FRMD3: variants seen among roughly 807,000 people sequenced by gnomAD.
The protein encoded by FRMD3 is FERM domain-containing protein 3.
A neutral mutation model predicts 70.2 loss-of-function variants in FRMD3; 33 were observed. The ratio of observed to expected loss-of-function variants is 0.47; its 90% CI spans 0.36 to 0.63. The LOEUF (loss-of-function observed/expected upper bound fraction) is 0.63. Among genes scored for constraint, FRMD3 ranks in the 20% least tolerant of loss-of-function variants. The pLI, the probability that FRMD3 is intolerant of heterozygous loss-of-function variation, is 0.00. For missense variants in FRMD3, 632 were observed against 711.4 expected (o/e 0.89, Z 1.27); for synonymous variants, 279 against 255.9 (o/e 1.09, Z -0.86).
chr9:83,445,193 T>A (rs1310705747), intron 1 of FRMD3, among the ~76,000 whole-genome samples: 1 of 152,112 alleles, frequency 6.6e-6, no homozygotes, highest in Admixed American at 6.5e-5. Context: ...CTAGCCAACA[T>A]GGTGAAACCC....
At chr9:83,479,354 AG>A (rs1303701117) in intron 1 of FRMD3, among the ~76,000 whole-genome samples, 2 of 104,066 alleles carry the variant, frequency 1.9e-5, no homozygotes, top group Admixed American at 1.1e-4. Context: ...AAGGAGGAGG[AG>A]GAGGAGGAAG....
chr9:83,487,766 G>A lies in FRMD3; in HGVS notation c.147+50319C>T, dbSNP rs554088600. ...ACAATGAAGAGGCTTAGGAAAATTT[G>A]AGAAGATGTCCCAGGGTTAACTACA... On this transcript the variant is annotated intron_variant, in intron 1 of 13. Coordinates refer to ENST00000304195, the MANE Select transcript of FRMD3 (RefSeq NM_174938.6). Among the ~76,000 whole-genome samples, 17 of 152,302 alleles carry A rather than the reference G, an allele frequency of 1.1e-4. 1 individual carries two copies. In the South Asian group the frequency reaches 3.3e-3, roughly 30 times the overall value.
At chr9:83,292,451 C>T (rs561908378) in intron 12 of FRMD3, among the ~76,000 whole-genome samples, 147 of 152,044 alleles carry the variant, frequency 9.7e-4, no homozygotes, top group Non-Finnish European at 1.5e-3. Flanking sequence ...TGAGCCACTA[C>T]GCCCAGCCCC....
Position 83,481,515 on chromosome 9 carries a change from C to G in FRMD3, c.147+56570G>C, listed in dbSNP as rs1214345120. ...ATACTACAATAGCACCATGAAAGAA[C>G]GATTAACATATGATCATATAAACTA... On this transcript the variant is annotated intron_variant, in intron 1 of 13. Transcript: ENST00000304195. Among the ~76,000 whole-genome samples, 6 of 152,156 alleles carry G rather than the reference C, an allele frequency of 3.9e-5. No individual in the cohort carries two copies. In the East Asian group the frequency reaches 7.7e-4, roughly 20 times the overall value.
chr9:83,570,085 TC>T, the FRMD3 span, among the ~76,000 whole-genome samples: 3 of 152,178 alleles, frequency 2.0e-5, no homozygotes, highest in African/African-American at 2.4e-5. Flanking sequence ...TTGCTCAAAT[TC>T]CCATCTCCTC....
chr9:83,368,282 A>G (rs1182217081), intron 3 of FRMD3, among the ~76,000 whole-genome samples: 1 of 152,020 alleles, frequency 6.6e-6, no homozygotes, highest in African/African-American at 2.4e-5. Context: ...AGAACTGCAC[A>G]CAAAAATCAA....
intron 1 of FRMD3, among the ~76,000 whole-genome samples, chr9:83,415,549 A>ACTC (rs1423528579): frequency 7.1e-6 from 1 of 140,136 alleles, no homozygotes; most frequent in East Asian, 2.1e-4. Flanking sequence ...TTCACACCAT[A>ACTC]CTCCTGCTTC....
At chr9:83,473,361 C>T (rs753256581) in intron 1 of FRMD3, among the ~76,000 whole-genome samples, 1 of 152,216 alleles carries the variant, frequency 6.6e-6, no homozygotes, top group Non-Finnish European at 1.5e-5. Flanking sequence ...TGACTCCGGT[C>T]CAGTCCTCCC....
chr9:83,469,859 G>A (rs1243077892), intron 1 of FRMD3, among the ~76,000 whole-genome samples: 3 of 152,208 alleles, frequency 2.0e-5, no homozygotes, highest in East Asian at 1.9e-4. Context: ...GATGGGGGGC[G>A]GGGAGAAAGC....
Position 83,246,752 on chromosome 9 carries a change from C to A in FRMD3, c.*1166G>T. The A allele has an allele frequency of 1.0e-6, 1 of 984,956 alleles. No homozygotes were observed. The highest frequency in any genetic ancestry group is 4.7e-5 in the South Asian group (1 of 21,252). The allele number at this position is 984,956 out of a possible 1,614,324, so 61.0% of individuals were successfully genotyped here. ...AATCACAACAAATGGCATGAGGGAT[C>A]AAAATATTTACCTTAAAGTTTCTCC... On this transcript the variant is annotated 3_prime_UTR_variant, in exon 14 of 14. Transcript: ENST00000304195.
At chr9:83,345,959 T>C (rs573571291) in intron 4 of FRMD3, among the ~76,000 whole-genome samples, 3 of 151,732 alleles carry the variant, frequency 2.0e-5, no homozygotes, top group East Asian at 2.0e-4. Context: ...TCATTATAGC[T>C]AGAAAGTGAA....
chr9:83,343,410 C>A, intron 4 of FRMD3, 123 bp from the exon 5 acceptor site: 1 of 666,918 alleles, frequency 1.5e-6, no homozygotes, highest in Non-Finnish European at 2.7e-6. Flanking sequence ...CTGGCTTAGA[C>A]ATGCCCAGCC....
intron 1 of FRMD3, among the ~76,000 whole-genome samples, chr9:83,461,185 G>C (rs1168266384): frequency 6.6e-6 from 1 of 152,098 alleles, no homozygotes; most frequent in Non-Finnish European, 1.5e-5. Context: ...GTAATCACAG[G>C]GTCCTTAGAC....
chr9:83,507,724 ATATATATATATATATC>A (rs1829230250), intron 1 of FRMD3, among the ~76,000 whole-genome samples: 1 of 111,014 alleles, frequency 9.0e-6, no homozygotes, highest in Admixed American at 9.9e-5. Context: ...ATATATATAT[ATATATATATATATATC>A]TTCTGGAATA....
intron 10 of FRMD3, among the ~76,000 whole-genome samples, 182 bp downstream of exon 10, chr9:83,309,354 C>T (rs1256667614): frequency 6.6e-6 from 1 of 151,984 alleles, no homozygotes; most frequent in African/African-American, 2.4e-5. Context: ...GCTCAGAACT[C>T]GGTCAGGCCA....
chr9:83,583,673 A>T, the FRMD3 span, among the ~76,000 whole-genome samples: 1 of 151,952 alleles, frequency 6.6e-6, no homozygotes, highest in Non-Finnish European at 1.5e-5. Flanking sequence ...TGGTGGCCCA[A>T]TCATGGCTCA....
intron 1 of FRMD3, among the ~76,000 whole-genome samples, chr9:83,513,509 A>C (rs1369186626): frequency 6.6e-6 from 1 of 152,262 alleles, no homozygotes; most frequent in Non-Finnish European, 1.5e-5. Flanking sequence ...GGTATGGTTA[A>C]CTTATCAATA....
At chr9:83,457,705 G>A (rs1357615795) in intron 1 of FRMD3, among the ~76,000 whole-genome samples, 3 of 152,152 alleles carry the variant, frequency 2.0e-5, no homozygotes, top group South Asian at 2.1e-4. Context: ...TTTTTTATCC[G>A]TGGTTGGTTG....
intron 10 of FRMD3, 112 bp from the exon 11 acceptor site, chr9:83,299,298 C>G: frequency 1.5e-6 from 1 of 651,366 alleles, no homozygotes. Context: ...ATGTAATTTA[C>G]CTTGTGACTC....
Sources: allele counts gnomAD v4.1 joint callset (sites outside exome capture counted in the v4.1 genomes callset), GRCh38; gene constraint gnomAD v4.1.1; transcripts MANE v1.5; gene names NCBI Gene and HGNC (gene_info 2026-07-23, HGNC 2026-07-21).